Variants in S100Z observed in about 807,000 individuals in gnomAD.
S100Z encodes the protein S100 calcium binding protein Z, also known as protein S100-Z.
Under a neutral mutation model 8.5 loss-of-function variants are expected in S100Z, and 11 were observed. The observed-to-expected ratio is 1.30, with a 90% confidence interval of 0.82 to 2.15. The LOEUF (loss-of-function observed/expected upper bound fraction) is 2.15, where lower values mean the gene tolerates loss of function less well. S100Z is among the 30% of genes most tolerant of loss of function. The pLI, the probability that S100Z is intolerant of heterozygous loss-of-function variation, is 0.00. For synonymous variants in S100Z, 34 were observed against 43.8 expected, an observed-to-expected ratio of 0.78 and a Z score of 0.89; for missense variants, 126 against 117.9, an observed-to-expected ratio of 1.07 and a Z score of -0.32.
chr5:76,900,439 G>C (rs983175038), intron 4 of S100Z, among the ~76,000 whole-genome samples: 5 of 151,698 alleles, frequency 3.3e-5, no homozygotes, highest in East Asian at 1.9e-4. Context: ...TTTTTCTTCT[G>C]TCTCCTCTGT....
chr5:76,915,450 CA>C (rs952790764), intron 4 of S100Z, among the ~76,000 whole-genome samples: 3 of 150,438 alleles, frequency 2.0e-5, no homozygotes, highest in African/African-American at 7.3e-5. Flanking sequence ...AAAAAAAATA[CA>C]AAAAAAATTA....
downstream of S100Z, among the ~76,000 whole-genome samples, chr5:76,924,863 A>C (rs1745109338): frequency 6.6e-6 from 1 of 152,032 alleles, no homozygotes; most frequent in Admixed American, 6.6e-5. Context: ...CGGTGAGCCA[A>C]GATGGCGCCA....
chr5:76,896,554 TG>T (rs1744044648), intron 4 of S100Z, among the ~76,000 whole-genome samples: 1 of 152,230 alleles, frequency 6.6e-6, no homozygotes, highest in African/African-American at 2.4e-5. Context: ...TACTCAGCAG[TG>T]GGATTCCAGT....
the S100Z span, among the ~76,000 whole-genome samples, chr5:76,943,096 G>T: frequency 6.6e-6 from 1 of 152,132 alleles, no homozygotes; most frequent in Non-Finnish European, 1.5e-5. Flanking sequence ...TGCCACAGTG[G>T]GGGGGTTCTG....
chr5:76,888,360 T>A (rs866713331), intron 4 of S100Z, among the ~76,000 whole-genome samples: 1 of 93,776 alleles, frequency 1.1e-5, no homozygotes, highest in Non-Finnish European at 2.2e-5. Flanking sequence ...CCTGGGAAAG[T>A]GCTGGTATTT....
chr5:76,863,675 A>G (rs1306105338), intron 1 of S100Z, among the ~76,000 whole-genome samples: 2 of 151,928 alleles, frequency 1.3e-5, no homozygotes, highest in Non-Finnish European at 2.9e-5. Flanking sequence ...AGTAGCTGGG[A>G]CTACAGGCAC....
chr5:76,861,525 GA>G (rs1420702145), intron 1 of S100Z, among the ~76,000 whole-genome samples: 3 of 152,124 alleles, frequency 2.0e-5, no homozygotes, highest in African/African-American at 7.2e-5. Context: ...TTTTAGTAGA[GA>G]CGGGGTTTCG....
the S100Z span, among the ~76,000 whole-genome samples, chr5:76,947,557 A>G: frequency 1.3e-5 from 2 of 152,250 alleles, no homozygotes; most frequent in African/African-American, 4.8e-5. Context: ...TCAAGTAGCC[A>G]AAACATTCTT....
intron 4 of S100Z, among the ~76,000 whole-genome samples, chr5:76,902,641 T>TTG (rs199751273): frequency 0.012 from 1,869 of 151,806 alleles, 59 homozygotes; most frequent in East Asian, 0.11. Context: ...TTTTTTGTTT[T>TTG]TTTTTTGTTG....
intron 1 of S100Z, among the ~76,000 whole-genome samples, chr5:76,854,691 TAAAAAAG>T (rs1447492559): frequency 1.3e-5 from 2 of 152,208 alleles, no homozygotes; most frequent in African/African-American, 4.8e-5. Context: ...AGCCATGTGT[TAAAAAAG>T]AAAAGCCCTT....
At position 76,855,556 on chromosome 5, in the gene S100Z, C is replaced by T. The variant is rs535484938; in HGVS notation, c.-176+5401C>T. Among the ~76,000 whole-genome samples the T allele has an allele frequency of 5.2e-4, 79 of 152,254 alleles. No individual in the cohort carries two copies. In the Middle Eastern group the frequency reaches 0.01, roughly 20 times the overall value. On this transcript the variant is annotated intron_variant, in intron 1 of 4. Coordinates refer to ENST00000317593, the MANE Select transcript of S100Z (RefSeq NM_130772.4). ...TTTCAGACTTGTGTGGGGCCTCTGGCCTCTTTTTGGGGGCTGATTTCTCCC... is the reference window on the plus strand; with the variant it reads ...TTTCAGACTTGTGTGGGGCCTCTGGTCTCTTTTTGGGGGCTGATTTCTCCC...
chr5:76,902,846 C>T (rs73122036), intron 4 of S100Z, among the ~76,000 whole-genome samples: 13,120 of 152,042 alleles, frequency 0.086, 1,716 homozygotes, highest in African/African-American at 0.29. Flanking sequence ...TTACCTTTCA[C>T]GAAGATAATT....
downstream of S100Z, among the ~76,000 whole-genome samples, chr5:76,925,154 C>CTAGA (rs1192323395): frequency 3.3e-5 from 4 of 120,020 alleles, no homozygotes; most frequent in South Asian, 8.5e-4. Context: ...AGATGAGTGG[C>CTAGA]TAGATAGAGA....
intron 4 of S100Z, among the ~76,000 whole-genome samples, chr5:76,899,016 A>G (rs1580049146): frequency 7.0e-6 from 1 of 143,834 alleles, no homozygotes; most frequent in Non-Finnish European, 1.5e-5. Flanking sequence ...GCTCAGTGCA[A>G]CCTCCACCTC....
chr5:76,900,704 T>C (rs1744199081), intron 4 of S100Z, among the ~76,000 whole-genome samples: 1 of 152,200 alleles, frequency 6.6e-6, no homozygotes, highest in Non-Finnish European at 1.5e-5. Flanking sequence ...AGGTCACATA[T>C]CTCTGTTTCT....
At chr5:76,924,823 G>C (rs997034852), downstream of S100Z, among the ~76,000 whole-genome samples, 1 of 152,000 alleles carries the variant, frequency 6.6e-6, no homozygotes, top group Non-Finnish European at 1.5e-5. Flanking sequence ...TGAGGTAGGA[G>C]AATCGCTTGA....
intron 2 of S100Z, among the ~76,000 whole-genome samples, chr5:76,872,481 G>C (rs140669276): frequency 5.1e-4 from 77 of 152,014 alleles, no homozygotes; most frequent in African/African-American, 1.8e-3. Flanking sequence ...GGGAAACATA[G>C]GGAGACCCCA....
Position 76,875,382 on chromosome 5 carries a change from C to T in S100Z, c.23C>T (p.Ala8Val). The T allele has an allele frequency of 6.2e-7, 1 of 1,612,474 alleles. No individual in the cohort carries two copies. Among genetic ancestry groups the T allele is most frequent in the Non-Finnish European group, 8.5e-7 (1 of 1,179,194 alleles). Residue 8 changes from alanine (A) to valine (V), a missense_variant, in exon 3 of 5, where the codon GCC (alanine) becomes GTC (valine). By Grantham distance (64) the Ala-to-Val change is moderately conservative (BLOSUM62 0). Transcript: ENST00000317593. MPTQLEM[A>V]MDTMIRIFHR... Reference sequence around the variant, plus strand: ...GACATGCCCACCCAGCTCGAGATGGCCATGGACACCATGATTAGAATCTTC... The same window carrying T: ...GACATGCCCACCCAGCTCGAGATGGTCATGGACACCATGATTAGAATCTTC...
At chr5:76,855,674 A>C (rs1750861949) in intron 1 of S100Z, among the ~76,000 whole-genome samples, 1 of 152,170 alleles carries the variant, frequency 6.6e-6, no homozygotes, top group South Asian at 2.1e-4. Context: ...TATTTGTAGA[A>C]GGGAGTTGCC....
Sources: gnomAD v4.1 joint callset for allele counts (sites outside exome capture counted in the v4.1 genomes callset) on GRCh38, gnomAD v4.1.1 for gene constraint, MANE v1.5 for transcripts, NCBI Gene and HGNC (gene_info 2026-07-23, HGNC 2026-07-21) for gene names.